Variants in ZNF608 observed in about 807,000 individuals in gnomAD.
ZNF608 encodes zinc finger protein 608.
A neutral mutation model predicts 109.0 loss-of-function variants in ZNF608; 12 were observed. The observed-to-expected ratio is 0.11, with a 90% CI of 0.07 to 0.18. The LOEUF is 0.18. ZNF608 is among the 10% of genes least tolerant of loss of function. ZNF608 has a pLI of 1.00. For missense variants in ZNF608, 1,707 were observed against 1,879.3 expected (o/e 0.91, Z 1.70); for synonymous variants, 732 against 717.4 (o/e 1.02, Z -0.33).
chr5:124,745,818 A>C (rs1398109701), intron 1 of ZNF608, among the ~76,000 whole-genome samples: 2 of 152,170 alleles, frequency 1.3e-5, no homozygotes, highest in African/African-American at 2.4e-5. Context: ...TTTCCCAAAC[A>C]GCTTCTACAA....
upstream of ZNF608, chr5:124,746,646 G>C: frequency 1.0e-6 from 1 of 985,380 alleles, no homozygotes. Flanking sequence ...TAACGAGACA[G>C]AATGTGCTAA....
intron 2 of ZNF608, among the ~76,000 whole-genome samples, chr5:124,742,580 A>G (rs1749459897): frequency 1.3e-5 from 2 of 152,268 alleles, no homozygotes; most frequent in African/African-American, 4.8e-5. Flanking sequence ...ACATTTAAAT[A>G]TAAGACTCAA....
chr5:124,655,576 A>T (rs1216914863), intron 3 of ZNF608, among the ~76,000 whole-genome samples: 3 of 152,206 alleles, frequency 2.0e-5, no homozygotes, highest in Non-Finnish European at 2.9e-5. Context: ...CTTTCCTTTT[A>T]TATATTTTTT....
intron 3 of ZNF608, among the ~76,000 whole-genome samples, chr5:124,700,609 G>A (rs962990916): frequency 6.6e-6 from 1 of 152,200 alleles, no homozygotes; most frequent in African/African-American, 2.4e-5. Context: ...GCTCAATTCA[G>A]AAAGTAAATA....
intron 3 of ZNF608, among the ~76,000 whole-genome samples, chr5:124,682,381 A>G (rs899367110): frequency 4.6e-5 from 7 of 152,180 alleles, no homozygotes; most frequent in African/African-American, 1.2e-4. Context: ...CCTACCATGA[A>G]TCCTTTTTTA....
In ZNF608 at chr5:124,659,842, A is replaced by T. The variant is rs190421576; in HGVS notation, c.1163-10145T>A. Among the ~76,000 whole-genome samples the T allele has an allele frequency of 2.5e-3, 382 of 152,340 alleles. 1 individual carries two copies. Among genetic ancestry groups the T allele is most frequent in the Non-Finnish European group, 4.5e-3 (303 of 68,036 alleles). ...TTATGCTCCACATCAAAAAGCTGCT[A>T]CTGATCCATGTGTCTCACTGGGATT... is the stretch of plus-strand genomic sequence containing the variant. On this transcript the variant is annotated intron_variant, in intron 3 of 9. Transcript: ENST00000513986.
chr5:124,708,900 AG>A (rs1372716620), intron 2 of ZNF608: 1 of 411,958 alleles, frequency 2.4e-6, no homozygotes, highest in Non-Finnish European at 4.8e-6. Context: ...GGCCCGGTGC[AG>A]TGGCTCACGC....
At position 124,647,777 on chromosome 5, in the gene ZNF608, C is replaced by A. The variant is rs780237285; in HGVS notation, c.2607G>T (p.Ser869=). 1 of 1,614,092 alleles carries A rather than the reference C, an allele frequency of 6.2e-7. No individual in the cohort carries two copies. Among genetic ancestry groups the A allele is most frequent in the Non-Finnish European group, 8.5e-7 (1 of 1,179,978 alleles). The stretch of plus-strand genomic sequence containing the variant: ...TGGCCATGCGGCTCTCCTGAGACTC[C>A]GACAGTCCATTTGCCAGCCCTTCAT... The part of the protein sequence containing the change: ...NKNEGLANGL[S]ESQESRMASI... The change falls in exon 5 of 10, where the codon TCG becomes TCT. Residue 869 remains serine (S), a synonymous_variant. Transcript: ENST00000513986.
At chr5:124,673,606 T>A (rs991262513) in intron 3 of ZNF608, among the ~76,000 whole-genome samples, 2 of 152,130 alleles carry the variant, frequency 1.3e-5, no homozygotes, top group African/African-American at 4.8e-5. Context: ...AATATAATAC[T>A]ATATCTGAGT....
chr5:124,664,167 T>G lies in ZNF608; in HGVS notation c.1163-14470A>C, dbSNP rs534912693. ...TTGAGTCGTCCTATTTCTTATAGCCTAGAAATAAGTTAGGAAACAATTCAG... is the reference window on the plus strand; with the variant it reads ...TTGAGTCGTCCTATTTCTTATAGCCGAGAAATAAGTTAGGAAACAATTCAG... On this transcript the variant is annotated intron_variant, in intron 3 of 9. Coordinates refer to ENST00000513986, the MANE Select transcript of ZNF608 (RefSeq NM_020747.3). 7.6e-4 allele frequency among the ~76,000 whole-genome samples: 115 copies of G among 152,262 alleles called. 1 individual carries two copies. The highest frequency in any genetic ancestry group is 3.4e-3 in the Middle Eastern group (1 of 294).
chr5:124,738,929 A>G (rs1749260881), intron 2 of ZNF608, among the ~76,000 whole-genome samples: 1 of 152,248 alleles, frequency 6.6e-6, no homozygotes, highest in Admixed American at 6.5e-5. Context: ...AACAAAAAAC[A>G]CATTACTTTG....
chr5:124,680,385 A>G (rs1466154452), intron 3 of ZNF608, among the ~76,000 whole-genome samples: 2 of 152,160 alleles, frequency 1.3e-5, no homozygotes, highest in Non-Finnish European at 2.9e-5. Context: ...CATAGTTTAT[A>G]AAGTTTATAT....
chr5:124,657,267 G>A (rs1276281445), intron 3 of ZNF608, among the ~76,000 whole-genome samples: 9 of 152,112 alleles, frequency 5.9e-5, no homozygotes, highest in East Asian at 3.9e-4. Flanking sequence ...AGGCTGCACC[G>A]CACATATAGA....
rs146293649 is a variant in ZNF608 at position 124,687,622 on chromosome 5, G to A, written c.1162+13392C>T. On this transcript the variant is annotated intron_variant, in intron 3 of 9. Coordinates refer to ENST00000513986, the MANE Select transcript of ZNF608 (RefSeq NM_020747.3). Reference sequence around the variant, plus strand: ...TCCTGACTGGGTTATGTCAGACTTCGCTAGATACCCTGCAATTGTGCCCAC... The same window carrying A: ...TCCTGACTGGGTTATGTCAGACTTCACTAGATACCCTGCAATTGTGCCCAC... 3.2e-3 allele frequency among the ~76,000 whole-genome samples: 490 copies of A among 152,182 alleles called. 2 individuals are homozygous for A. Among genetic ancestry groups the A allele is most frequent in the African/African-American group, 0.011 (470 of 41,510 alleles).
chr5:124,654,447 C>T (rs1020687698), intron 3 of ZNF608, among the ~76,000 whole-genome samples: 10 of 152,212 alleles, frequency 6.6e-5, no homozygotes, highest in African/African-American at 2.4e-4. Context: ...GTTAAAGTTC[C>T]TAATGAATTA....
intron 3 of ZNF608, among the ~76,000 whole-genome samples, chr5:124,653,055 C>G (rs550544662): frequency 3.9e-5 from 6 of 152,276 alleles, no homozygotes; most frequent in Admixed American, 2.6e-4. Context: ...CCTTTCCACC[C>G]ATGGACTGGG....
intron 4 of ZNF608, 150 bp from the exon 5 acceptor site, chr5:124,649,283 T>G (rs1399245634): frequency 1.0e-5 from 7 of 671,518 alleles, no homozygotes; most frequent in Non-Finnish European, 1.6e-5. Flanking sequence ...TTCCAACACC[T>G]GCAAAAGAAC....
chr5:124,691,266 A>C lies in ZNF608; in HGVS notation c.1162+9748T>G, dbSNP rs192721790. Among the ~76,000 whole-genome samples, 6 of 152,156 alleles carry C rather than the reference A, an allele frequency of 3.9e-5. No homozygotes were observed. The East Asian group carries it at 5.8e-4, about 15-fold the overall frequency. On this transcript the variant is annotated intron_variant, in intron 3 of 9. Transcript: ENST00000513986. ...ACCCTGTCTCTTTTATTTAAAAAAC[A>C]AAAACAAAACAAAAAAAAAAGGTGA...
At position 124,744,724 on chromosome 5, in the gene ZNF608, T is replaced by C. The variant is rs747938351; in HGVS notation, c.266A>G (p.Gln89Arg). ...TGAATTCCCCTGGGGAGCAGAGGCC[T>C]GAACAGAAGCAAATTTTAGGCCATC... ...LADGLKFASV[Q>R]ASAPQGNSHK... The change falls in exon 2 of 10, where the codon CAG becomes CGG. Residue 89 changes from glutamine to arginine, a missense_variant. Transcript: ENST00000513986. This position sits in a 1 kb window ranked among gnomAD's most constrained non-coding sequence, Gnocchi z 4.5. The C allele has an allele frequency of 6.2e-7, 1 of 1,614,184 alleles. No individual in the cohort carries two copies. Among genetic ancestry groups the C allele is most frequent in the South Asian group, 1.1e-5 (1 of 91,084 alleles).
Sources: gnomAD v4.1 joint callset for allele counts (sites outside exome capture counted in the v4.1 genomes callset) on GRCh38, gnomAD v4.1.1 for gene constraint, Gnocchi (gnomAD v3.1) non-coding constraint, MANE v1.5 for transcripts, NCBI Gene and HGNC (gene_info 2026-07-23, HGNC 2026-07-21) for gene names.